ZNF574: variants seen among roughly 807,000 people sequenced by gnomAD.
The protein encoded by ZNF574 is zinc finger protein 574.
In ZNF574, 25 loss-of-function variants were observed where a neutral mutation model predicts 56.6. That is an observed-to-expected ratio of 0.44 (90% CI 0.32 to 0.62). The LOEUF is 0.62. Among genes scored for constraint, ZNF574 ranks in the 20% least tolerant of loss-of-function variants. ZNF574 has a pLI of 0.04. For missense variants in ZNF574, 1,065 were observed against 1,218.9 expected (o/e 0.87, Z 1.88); for synonymous variants, 543 against 492.1 (o/e 1.10, Z -1.37).
At chr19:42,075,804 C>G (rs1314027834), upstream of ZNF574, among the ~76,000 whole-genome samples, 1 of 149,784 alleles carries the variant, frequency 6.7e-6, no homozygotes, top group Non-Finnish European at 1.5e-5. Flanking sequence ...CTCACGGCGT[C>G]CCCAAAATGG....
At chr19:42,073,540 C>T (rs1362719874), upstream of ZNF574, among the ~76,000 whole-genome samples, 1 of 141,734 alleles carries the variant, frequency 7.1e-6, no homozygotes, top group South Asian at 2.2e-4. Context: ...AAAAAAAAAA[C>T]CCGGGCATGG....
chr19:42,068,789 TG>T lies in ZNF574; in HGVS notation c.83del (p.Gly28AlafsTer11). ...AGAGGGGCCCAAGAGACACAGGAAA[TG>T]GGGGCTCAAAAGCGGAAAGACATAT... On this transcript the variant is annotated frameshift_variant, in exon 1 of 2. Transcript: ENST00000222339. LOFTEE classifies it high-confidence loss of function. 3.5e-6 allele frequency: 2 copies of T among 567,260 alleles called. No homozygotes were observed. The highest frequency in any genetic ancestry group is 2.1e-5 in the South Asian group (1 of 47,568). The allele number at this position is 567,260 out of a possible 1,614,324, so 35.1% of individuals were successfully genotyped here. A position where few individuals can be genotyped will look rare whatever the true frequency, so the allele number is the denominator to read the frequency against.
chr19:42,079,654 A>G lies in ZNF574; in HGVS notation c.1048A>G (p.Ser350Gly). The stretch of plus-strand genomic sequence containing the variant: ...CAGTCGTGTCTTCCCTAGCCCTTCC[A>G]GTCTGGACCAGCACCTTGGAGACCA... ...LCSRVFPSPS[S>G]LDQHLGDHSS... Residue 350 changes from serine (S) to glycine (G), a missense_variant, in exon 2 of 2, where the codon AGT becomes GGT. Transcript: ENST00000359044. This position sits in a 1 kb window ranked among gnomAD's most constrained non-coding sequence, Gnocchi z 4.3. 2 of 1,613,884 alleles carry G rather than the reference A, an allele frequency of 1.2e-6. No homozygotes were observed. Among genetic ancestry groups the G allele is most frequent in the Non-Finnish European group, 1.7e-6 (2 of 1,179,948 alleles).
At chr19:42,069,097 G>C (rs1294270934) in intron 1 of ZNF574, 2 of 451,740 alleles carry the variant, frequency 4.4e-6, no homozygotes, top group Admixed American at 4.1e-5. Flanking sequence ...AGGAGATGGA[G>C]GGCGCAGAGC....
At chr19:42,071,731 C>T (rs944573116), upstream of ZNF574, among the ~76,000 whole-genome samples, 1 of 152,152 alleles carries the variant, frequency 6.6e-6, no homozygotes, top group Admixed American at 6.5e-5. Context: ...TCGACCAGGG[C>T]GGTGGCTCAT....
chr19:42,073,637 T>G (rs1437690939), upstream of ZNF574, among the ~76,000 whole-genome samples: 1 of 145,206 alleles, frequency 6.9e-6, no homozygotes, highest in African/African-American at 2.6e-5. Context: ...GCCCAGCCAA[T>G]GTGGCAAAAA....
exon 1 of ZNF574, chr19:42,068,513 G>C (rs2076373251): frequency 1.0e-5 from 4 of 387,330 alleles, no homozygotes; most frequent in Non-Finnish European, 1.8e-5. Context: ...CGGGCACCCA[G>C]AGTGGATCTG....
chr19:42,080,426 A>G lies in ZNF574; in HGVS notation c.1820A>G (p.Tyr607Cys). The G allele has an allele frequency of 6.2e-7, 1 of 1,614,102 alleles. No individual in the cohort carries two copies. Among genetic ancestry groups the G allele is most frequent in the Non-Finnish European group, 8.5e-7 (1 of 1,180,006 alleles). Reference protein sequence around the residue: ...HRYHHTGEYPYKCRECPRSFL... With the variant: ...HRYHHTGEYPCKCRECPRSFL... ...TACCATCACACAGGTGAATACCCCTACAAGTGTCGCGAGTGCCCCCGCTCC... is the reference window on the plus strand; with the variant it reads ...TACCATCACACAGGTGAATACCCCTGCAAGTGTCGCGAGTGCCCCCGCTCC... Residue 607 changes from tyrosine (Y) to cysteine (C), a missense_variant, in exon 2 of 2, where the codon TAC becomes TGC. By Grantham distance (194) the Tyr-to-Cys change is radical. Transcript: ENST00000359044. This position sits in a 1 kb window ranked among gnomAD's most constrained non-coding sequence, Gnocchi z 8.5.
At position 42,080,052 on chromosome 19, in the gene ZNF574, C is replaced by G. The variant is rs1173019168; in HGVS notation, c.1446C>G (p.Thr482=). The change falls in exon 2 of 2, where the codon ACC becomes ACG. Residue 482 remains threonine, a synonymous_variant. Coordinates refer to ENST00000359044, the MANE Select transcript of ZNF574 (RefSeq NM_022752.6). The surrounding 1 kb of genome is among the most constrained non-coding windows in gnomAD (Gnocchi z 8.5). The part of the protein sequence containing the change: ...SREFGKALQL[T]RHQRFVHRLE... ...AATTTGGAAAGGCCTTGCAGCTGAC[C>G]CGGCACCAACGTTTTGTGCATCGGC... 5.6e-6 allele frequency: 9 copies of G among 1,614,008 alleles called. No homozygotes were observed. Among genetic ancestry groups the G allele is most frequent in the Non-Finnish European group, 7.6e-6 (9 of 1,180,040 alleles).
chr19:42,074,495 T>TA (rs994267845), upstream of ZNF574, among the ~76,000 whole-genome samples: 5 of 142,996 alleles, frequency 3.5e-5, no homozygotes, highest in South Asian at 4.5e-4. Context: ...TAAAATAAAA[T>TA]AAAATAAAAA....
At chr19:42,077,556 C>T (rs1214343673) in intron 1 of ZNF574, among the ~76,000 whole-genome samples, 1 of 151,998 alleles carries the variant, frequency 6.6e-6, no homozygotes, top group African/African-American at 2.4e-5. Context: ...GTATGGGCAT[C>T]CCTGAATGAG....
chr19:42,080,670 C>A lies in ZNF574; in HGVS notation c.2064C>A (p.Ala688=). The A allele has an allele frequency of 6.2e-7, 1 of 1,613,174 alleles. No individual in the cohort carries two copies. The highest frequency in any genetic ancestry group is 8.5e-7 in the Non-Finnish European group (1 of 1,179,892). Residue 688 remains alanine (A), a synonymous_variant, in exon 2 of 2, where the codon GCC becomes GCA. Transcript: ENST00000359044. The surrounding 1 kb of genome is among the most constrained non-coding windows in gnomAD (Gnocchi z 8.5). Reference sequence around the variant, plus strand: ...CTCGACTGCAGGCACACGAGGCGGCCCATGCAGCTGCTGGGCCTGGAGAGG... The same window carrying A: ...CTCGACTGCAGGCACACGAGGCGGCACATGCAGCTGCTGGGCCTGGAGAGG... ...SAARLQAHEA[A]HAAAGPGEVL... is the part of the protein sequence containing the mutation.
exon 1 of ZNF574, chr19:42,068,790 G>T: frequency 1.7e-6 from 1 of 581,980 alleles, no homozygotes; most frequent in Non-Finnish European, 3.1e-6. Context: ...CACAGGAAAT[G>T]GGGGCTCAAA....
chr19:42,069,730 G>A (rs1335092326), intron 1 of ZNF574, among the ~76,000 whole-genome samples: 2 of 150,606 alleles, frequency 1.3e-5, no homozygotes, highest in Admixed American at 6.6e-5. Flanking sequence ...GGGAGGGCCT[G>A]CTGGGGGAGG....
chr19:42,074,542 CCTCACATGAGATGAAATGGGG>C (rs2076444324), upstream of ZNF574: 1 of 152,030 alleles, frequency 6.6e-6, no homozygotes, highest in Non-Finnish European at 1.5e-5. Context: ...TTACTCTCTG[CCTCACATGAGATGAAATGGGG>C]CTCACATGAA....
At chr19:42,072,004 CA>C (rs1296465841), upstream of ZNF574, among the ~76,000 whole-genome samples, 15 of 140,766 alleles carry the variant, frequency 1.1e-4, no homozygotes, top group African/African-American at 2.9e-4. Flanking sequence ...ACTCCATCTC[CA>C]AAAAAAAAAC....
rs1413927473 is a variant in ZNF574, at chr19:42,079,960, G to A, written c.1354G>A (p.Val452Met). 1 of 1,613,744 alleles carries A rather than the reference G, an allele frequency of 6.2e-7. No homozygotes were observed. The highest frequency in any genetic ancestry group is 1.3e-5 in the African/African-American group (1 of 74,908). ...TGEPEAPEPPVSEETSAGPAA... is the reference protein window; with the variant it reads ...TGEPEAPEPPMSEETSAGPAA... ...AGAGCCAGAGGCCCCTGAGCCCCCT[G>A]TGTCTGAGGAGACCTCAGCAGGGCC... is the stretch of plus-strand genomic sequence containing the variant. The change falls in exon 2 of 2, where the codon GTG (valine) becomes ATG (methionine). Residue 452 changes from valine (V) to methionine (M), a missense_variant. Physicochemically the swap from Val to Met is conservative, Grantham distance 21 (BLOSUM62 1). Transcript: ENST00000359044. The surrounding 1 kb of genome is among the most constrained non-coding windows in gnomAD (Gnocchi z 4.3).
Position 42,079,211 on chromosome 19 carries a change from C to T in ZNF574, c.605C>T (p.Thr202Ile), listed in dbSNP as rs748667061. 1.2e-6 allele frequency: 2 copies of T among 1,613,994 alleles called. No homozygotes were observed. The highest frequency in any genetic ancestry group is 1.7e-6 in the Non-Finnish European group (2 of 1,180,014). Residue 202 changes from threonine (T) to isoleucine (I), a missense_variant, in exon 2 of 2, where the codon ACC becomes ATC. Physicochemically the swap from Thr to Ile is moderately conservative, Grantham distance 89. Coordinates refer to ENST00000359044, the MANE Select transcript of ZNF574 (RefSeq NM_022752.6). This position sits in a 1 kb window ranked among gnomAD's most constrained non-coding sequence, Gnocchi z 4.3. ...ACTGTCCCATCTGCCGCTGCCACCA[C>T]CACTGAGGTAGTGACTGAGGTGGAG... ...GATVPSAAAT[T>I]TEVVTEVELL...
chr19:42,070,716 T>C (rs1422028618), intron 1 of ZNF574: 2 of 152,532 alleles, frequency 1.3e-5, no homozygotes, highest in Admixed American at 1.3e-4. Flanking sequence ...GGGGCAGTAA[T>C]GTGGACATAG....
Sources: gnomAD v4.1 joint callset for allele counts (sites outside exome capture counted in the v4.1 genomes callset) on GRCh38, gnomAD v4.1.1 for gene constraint, Gnocchi (gnomAD v3.1) non-coding constraint, MANE v1.5 for transcripts, NCBI Gene and HGNC (gene_info 2026-07-23, HGNC 2026-07-21) for gene names.